MADCAM1: variants seen among roughly 807,000 people sequenced by gnomAD.
MADCAM1 encodes the protein mucosal vascular addressin cell adhesion molecule 1, also known as mucosal addressin cell adhesion molecule 1.
Under a neutral mutation model 26.1 loss-of-function variants are expected in MADCAM1, and 19 were observed. The ratio of observed to expected loss-of-function variants is 0.73; its 90% CI spans 0.51 to 1.07. The LOEUF is 1.07. Ranked by LOEUF, MADCAM1 falls within the 50% of genes least tolerant of loss-of-function variation. The pLI, the probability that MADCAM1 is intolerant of heterozygous loss-of-function variation, is 0.00. For synonymous variants in MADCAM1, 268 were observed against 260.9 expected, an observed-to-expected ratio of 1.03 and a Z score of -0.26; for missense variants, 514 against 542.1, an observed-to-expected ratio of 0.95 and a Z score of 0.51.
Position 497,966 on chromosome 19 carries a change from C to T in MADCAM1, c.186C>T (p.Gly62=). ...ADRGASVQWR[G]LDTSLGAVQS... ...GCGGGGCCTCGGTGCAGTGGCGGGG[C>T]CTGGACACCAGCCTGGGCGCGGTGC... Residue 62 remains glycine, a synonymous_variant, in exon 2 of 5, where the codon GGC becomes GGT. Transcript: ENST00000215637. 1.3e-6 allele frequency: 2 copies of T among 1,493,086 alleles called. No individual in the cohort carries two copies. The highest frequency in any genetic ancestry group is 1.8e-6 in the Non-Finnish European group (2 of 1,127,672). 92.5% of individuals were successfully genotyped at this position (1,493,086 alleles called of 1,614,324 possible).
intron 3 of MADCAM1, 120 bp downstream of exon 3, chr19:498,945 C>T: frequency 7.4e-7 from 1 of 1,346,242 alleles, no homozygotes; most frequent in Non-Finnish European, 1.0e-6. Context: ...GGACTGGATT[C>T]CCCCACGCAG....
Position 504,757 on chromosome 19 carries a change from C to G in MADCAM1, c.941C>G (p.Ala314Gly). The change falls in exon 5 of 5, where the codon GCG (alanine) becomes GGG (glycine). Residue 314 changes from alanine (A) to glycine (G), a missense_variant. Transcript: ENST00000215637. ...ACTCTCTCCCCAGCGTCCAAACCTG[C>G]GGGTGACCAGCTGCCCGCGGCTCTG... ...EVIPTGSSKPAGDQLPAALWT... is the reference protein window; with the variant it reads ...EVIPTGSSKPGGDQLPAALWT... 6.2e-7 allele frequency: 1 copy of G among 1,604,668 alleles called. No homozygotes were observed. The highest frequency in any genetic ancestry group is 8.5e-7 in the Non-Finnish European group (1 of 1,173,292).
chr19:502,970 G>A (rs1387904683), intron 4 of MADCAM1, among the ~76,000 whole-genome samples: 3 of 152,190 alleles, frequency 2.0e-5, no homozygotes, highest in Non-Finnish European at 4.4e-5. Flanking sequence ...AATAAGGAAG[G>A]GGCATAAGCT....
Position 504,863 on chromosome 19 carries a change from T to G in MADCAM1, c.1047T>G (p.Ala349=). 1.2e-6 allele frequency: 2 copies of G among 1,612,958 alleles called. No homozygotes were observed. Among genetic ancestry groups the G allele is most frequent in the Non-Finnish European group, 1.7e-6 (2 of 1,179,960 alleles). Reference sequence around the variant, plus strand: ...TCTGGAAACGCTGCCGGCACCTGGCTGAGGACGACACCCACCCACCAGCTT... The same window carrying G: ...TCTGGAAACGCTGCCGGCACCTGGCGGAGGACGACACCCACCCACCAGCTT... ...YHLWKRCRHL[A]EDDTHPPASL... The change falls in exon 5 of 5, where the codon GCT becomes GCG. Residue 349 remains alanine, a synonymous_variant. Transcript: ENST00000215637.
chr19:504,824 GCCCA>G lies in MADCAM1; in HGVS notation c.1011_1014del (p.Thr338IlefsTer21). ...TGCTGGGACTGCTGCTCCTGGCCTT[GCCCA>G]CCTATCACCTCTGGAAACGCTGCCG... On this transcript the variant is annotated frameshift_variant, in exon 5 of 5. Transcript: ENST00000215637. LOFTEE classifies it low-confidence loss of function (END_TRUNC). 15 of 1,613,062 alleles carry G rather than the reference GCCCA, an allele frequency of 9.3e-6. No homozygotes were observed. The highest frequency in any genetic ancestry group is 1.3e-5 in the Non-Finnish European group (15 of 1,179,996).
At chr19:498,180 A>G in intron 2 of MADCAM1, 63 bp downstream of exon 2, 1 of 1,288,006 alleles carries the variant, frequency 7.8e-7, no homozygotes. Flanking sequence ...TCCCTATGCC[A>G]CCTCTTCCTG....
intron 4 of MADCAM1, among the ~76,000 whole-genome samples, chr19:503,360 T>G (rs1204671294): frequency 1.3e-5 from 2 of 149,254 alleles, no homozygotes; most frequent in Non-Finnish European, 3.0e-5. Flanking sequence ...GGCGGGCGGA[T>G]CACGAGGTCA....
At chr19:497,705 G>T (rs972208393) in intron 1 of MADCAM1, 128 bp from the exon 2 acceptor site, 67 of 736,216 alleles carry the variant, frequency 9.1e-5, no homozygotes, top group Non-Finnish European at 1.2e-4. Context: ...GGGGTCCGGG[G>T]GTGCAGCGGA....
chr19:499,857 C>T (rs1207275948), intron 3 of MADCAM1: 6 of 456,102 alleles, frequency 1.3e-5, no homozygotes. Context: ...GCCGGCTTCT[C>T]CCACTAAAGA....
chr19:499,516 G>A (rs1406851321), intron 3 of MADCAM1, among the ~76,000 whole-genome samples: 5 of 152,050 alleles, frequency 3.3e-5, no homozygotes, highest in East Asian at 3.9e-4. Context: ...ACACCCACAC[G>A]CGTGTACAAA....
intron 3 of MADCAM1, chr19:499,439 TGCACACAG>T: frequency 4.7e-6 from 2 of 421,600 alleles, no homozygotes; most frequent in Admixed American, 2.6e-5. Context: ...CACACACGCG[TGCACACAG>T]GCACACACGC....
At position 498,533 on chromosome 19, in the gene MADCAM1, G is replaced by C; in HGVS notation, c.375G>C (p.Leu125=). ...PDQLTVSPAA[L]VPGDPEVACT... ...AGCTGACCGTCTCCCCAGCAGCCCT[G>C]GTGCCTGGTGACCCGGAGGTGGCCT... The change falls in exon 3 of 5, where the codon CTG becomes CTC. Residue 125 remains leucine (L), a synonymous_variant. Coordinates refer to ENST00000215637, the MANE Select transcript of MADCAM1 (RefSeq NM_130760.3). 6.8e-7 allele frequency: 1 copy of C among 1,469,386 alleles called. No individual in the cohort carries two copies. Among genetic ancestry groups the C allele is most frequent in the Non-Finnish European group, 9.0e-7 (1 of 1,115,508 alleles). The allele number at this position is 1,469,386 out of a possible 1,614,324, so 91.0% of individuals were successfully genotyped here. A position where few individuals can be genotyped will look rare whatever the true frequency, so the allele number is the denominator to read the frequency against.
chr19:497,367 A>T (rs1001672527), intron 1 of MADCAM1, among the ~76,000 whole-genome samples: 1 of 19,704 alleles, frequency 5.1e-5, no homozygotes, highest in Non-Finnish European at 8.2e-5. Context: ...GGGGAGAGGA[A>T]GGGGCGCGGT....
rs1033024909 is a variant in MADCAM1, at chr19:498,099, G to C, written c.319G>C (p.Val107Leu). ...CGGGGGCCGCACCTTCCAGCACACC[G>C]TGCAGCTCCTTGTGTACGGTGAGGC... ...SCGGRTFQHT[V>L]QLLVYAFPDQ... The change falls in exon 2 of 5, where the codon GTG becomes CTG. Residue 107 changes from valine to leucine, a missense_variant. Transcript: ENST00000215637. The C allele has an allele frequency of 8.6e-6, 12 of 1,393,354 alleles. No individual in the cohort carries two copies. The highest frequency in any genetic ancestry group is 1.1e-5 in the Non-Finnish European group (12 of 1,075,492). The allele number at this position is 1,393,354 out of a possible 1,614,324, so 86.3% of individuals were successfully genotyped here. A position where few individuals can be genotyped will look rare whatever the true frequency, so the allele number is the denominator to read the frequency against.
chr19:500,012 G>GGGGGGGGGGGGGA, intron 3 of MADCAM1: 1 of 440,724 alleles, frequency 2.3e-6, no homozygotes, highest in South Asian at 1.6e-5. Flanking sequence ...GCTGGGGTGG[G>GGGGGGGGGGGGGA]CAGAGAGGAG....
chr19:501,748 C>T lies in MADCAM1; in HGVS notation c.747C>T (p.Pro249=), dbSNP rs149672992. 29 of 1,583,364 alleles carry T rather than the reference C, an allele frequency of 1.8e-5. No individual in the cohort carries two copies. Among genetic ancestry groups the T allele is most frequent in the African/African-American group, 1.1e-4 (8 of 73,728 alleles). ...CCGACACCACCTCCCCGGAGTCTCC[C>T]GACACCACCTCCCAGGAGCCTCCCG... The part of the protein sequence containing the change: ...ESPDTTSPES[P]DTTSQEPPDT... The change falls in exon 4 of 5, where the codon CCC becomes CCT. Residue 249 remains proline, a synonymous_variant. Coordinates refer to ENST00000215637, the MANE Select transcript of MADCAM1 (RefSeq NM_130760.3).
chr19:497,114 C>G, intron 1 of MADCAM1, among the ~76,000 whole-genome samples: 1 of 14,392 alleles, frequency 6.9e-5, no homozygotes, highest in Admixed American at 7.9e-4. Flanking sequence ...GTGGAGGGGG[C>G]TCAGGAGAGA....
At chr19:497,805 G>A (rs1276156523) in intron 1 of MADCAM1, 28 bp from the exon 2 acceptor site, 1 of 1,266,414 alleles carries the variant, frequency 7.9e-7, no homozygotes. Context: ...GACTCCGCGG[G>A]GCTGAGCGAG....
rs60370701 is a variant in MADCAM1, at chr19:501,485, CAAAAAAAAAAAAA to C, written c.668-164_668-152del. The C allele has an allele frequency of 3.3e-3, 275 of 83,464 alleles. 2 individuals carry two copies. The highest frequency in any genetic ancestry group is 3.6e-3 in the African/African-American group (47 of 12,902). The allele number at this position is 83,464 out of a possible 1,614,324, so 5.2% of individuals were successfully genotyped here. On this transcript the variant is annotated intron_variant, in intron 3 of 4. Coordinates refer to ENST00000215637, the MANE Select transcript of MADCAM1 (RefSeq NM_130760.3). ...GGGTAACAAGAGCAAAACTCTGTCT[CAAAAAAAAAAAAA>C]AAAAAAAAAAAAAAAAAAAGAATAA...
Sources: allele counts gnomAD v4.1 joint callset (sites outside exome capture counted in the v4.1 genomes callset), GRCh38; gene constraint gnomAD v4.1.1; transcripts MANE v1.5; gene names NCBI Gene and HGNC (gene_info 2026-07-23, HGNC 2026-07-21).